The following CEP112 variants were observed in gnomAD, a reference collection of about 807,000 sequenced individuals.
The protein encoded by CEP112 is centrosomal protein of 112 kDa.
A neutral mutation model predicts 153.0 loss-of-function variants in CEP112; 127 were observed. That is an observed-to-expected ratio of 0.83 (90% confidence interval 0.72 to 0.96). The LOEUF (loss-of-function observed/expected upper bound fraction) is 0.96, where lower values mean the gene tolerates loss of function less well. Ranked by LOEUF, CEP112 falls within the 40% of genes least tolerant of loss-of-function variation. The pLI is 0.00. For missense variants in CEP112, 1,089 were observed against 1,101.2 expected (o/e 0.99, Z 0.16); for synonymous variants, 358 against 374.4 (o/e 0.96, Z 0.51).
intron 23 of CEP112, among the ~76,000 whole-genome samples, chr17:65,713,521 T>G (rs1007914267): frequency 1.3e-5 from 2 of 152,206 alleles, no homozygotes; most frequent in African/African-American, 4.8e-5. Flanking sequence ...TCACAAATAA[T>G]AGTTCGTTTC....
chr17:65,752,000 A>G lies in CEP112; in HGVS notation c.2395-1276T>C, dbSNP rs79779395. ...TATCTATCTATCTATCTATCTATCT[A>G]TCTACTGTTCCTTTCATCCATCCAT... On this transcript the variant is annotated intron_variant, in intron 21 of 26. Coordinates refer to ENST00000535342, the MANE Select transcript of CEP112 (RefSeq NM_001199165.4). Among the ~76,000 whole-genome samples, 928 of 126,592 alleles carry G rather than the reference A, an allele frequency of 7.3e-3. 10 individuals carry two copies. The highest frequency in any genetic ancestry group is 0.025 in the African/African-American group (827 of 32,816). 83.0% of individuals were successfully genotyped at this position (126,592 alleles called of 152,430 possible).
chr17:66,012,624 T>C (rs1293861419), intron 16 of CEP112, among the ~76,000 whole-genome samples: 4 of 152,222 alleles, frequency 2.6e-5, no homozygotes. Context: ...CTTCACTTTG[T>C]AGGTGACGTG....
chr17:66,178,897 C>G (rs1254640740), intron 2 of CEP112, among the ~76,000 whole-genome samples: 1 of 152,026 alleles, frequency 6.6e-6, no homozygotes. Flanking sequence ...CAAGAAGATA[C>G]AAAAGTGAAA....
intron 21 of CEP112, among the ~76,000 whole-genome samples, chr17:65,801,127 G>A (rs933945235): frequency 3.3e-5 from 5 of 152,004 alleles, no homozygotes; most frequent in African/African-American, 4.8e-5. Context: ...GTGCGCTGGT[G>A]CACTCACTGC....
chr17:66,050,276 A>T (rs2066384225), intron 12 of CEP112, among the ~76,000 whole-genome samples: 1 of 152,114 alleles, frequency 6.6e-6, no homozygotes, highest in South Asian at 2.1e-4. Flanking sequence ...TTAGTGACTT[A>T]ATTTTTTGTT....
chr17:66,028,568 A>G (rs894271153), intron 14 of CEP112, among the ~76,000 whole-genome samples, 163 bp from the exon 15 acceptor site: 5 of 151,994 alleles, frequency 3.3e-5, no homozygotes, highest in Non-Finnish European at 4.4e-5. Flanking sequence ...ACTAGAAAAA[A>G]TAATCTTTTA....
intron 23 of CEP112, among the ~76,000 whole-genome samples, chr17:65,705,048 T>C (rs144168249): frequency 2.6e-5 from 4 of 152,346 alleles, no homozygotes; most frequent in Admixed American, 2.0e-4. Flanking sequence ...TTCAGTTTGA[T>C]TTCTGAACTA....
chr17:66,170,415 T>C (rs1451368552), intron 4 of CEP112, among the ~76,000 whole-genome samples: 1 of 152,208 alleles, frequency 6.6e-6, no homozygotes, highest in African/African-American at 2.4e-5. Flanking sequence ...CTTAGTAACA[T>C]TTTCTAAAGT....
intron 16 of CEP112, among the ~76,000 whole-genome samples, chr17:66,009,525 T>C (rs1275889283): frequency 3.3e-5 from 5 of 152,046 alleles, no homozygotes; most frequent in Non-Finnish European, 7.4e-5. Context: ...CTGTTGACTG[T>C]AAATCTTTGC....
intron 23 of CEP112, among the ~76,000 whole-genome samples, chr17:65,694,947 C>G (rs1405712699): frequency 6.6e-6 from 1 of 152,204 alleles, no homozygotes; most frequent in African/African-American, 2.4e-5. Context: ...CCAACTTGAA[C>G]AGTTAAATTG....
At chr17:65,877,129 A>T (rs532759854) in intron 20 of CEP112, among the ~76,000 whole-genome samples, 41 of 152,280 alleles carry the variant, frequency 2.7e-4, no homozygotes, top group African/African-American at 8.9e-4. Flanking sequence ...ATTGCGGCCC[A>T]GCCCTCTGTC....
intron 23 of CEP112, among the ~76,000 whole-genome samples, chr17:65,729,113 C>T (rs564340157): frequency 6.6e-5 from 10 of 151,992 alleles, no homozygotes; most frequent in East Asian, 5.8e-4. Context: ...GTACATATTC[C>T]GTTTTTCTTT....
At position 66,021,386 on chromosome 17, in the gene CEP112, C is replaced by T. The variant is rs141041208; in HGVS notation, c.1656+6115G>A. ...GCTGTGGGTGCTAGAATTGGGATACCCCTCCTTCATAGACCGAAATAGGAG... is the reference window on the plus strand; with the variant it reads ...GCTGTGGGTGCTAGAATTGGGATACTCCTCCTTCATAGACCGAAATAGGAG... On this transcript the variant is annotated intron_variant, in intron 16 of 26. Coordinates refer to ENST00000535342, the MANE Select transcript of CEP112 (RefSeq NM_001199165.4). Among the ~76,000 whole-genome samples, 216 of 152,176 alleles carry T rather than the reference C, an allele frequency of 1.4e-3. 2 individuals are homozygous for T. In the East Asian group the frequency reaches 0.039, roughly 28 times the overall value.
chr17:65,902,847 G>A (rs966060333), intron 19 of CEP112, among the ~76,000 whole-genome samples: 1 of 151,892 alleles, frequency 6.6e-6, no homozygotes, highest in East Asian at 1.9e-4. Flanking sequence ...TGTCAGCTAC[G>A]GTATACCAAC....
At chr17:65,832,040 T>C (rs1265091554) in intron 21 of CEP112, among the ~76,000 whole-genome samples, 3 of 152,134 alleles carry the variant, frequency 2.0e-5, no homozygotes, top group Non-Finnish European at 2.9e-5. Flanking sequence ...AAGAATATCA[T>C]TCAAAATCAT....
rs1204340611 is a variant in CEP112, at chr17:65,905,712, G to A, written c.1981-3378C>T. On this transcript the variant is annotated intron_variant, in intron 19 of 26. Transcript: ENST00000535342. ...TGGGAGGCTGAGGCAGGTGGATCAC[G>A]AGGTCAGGAGGTCAAGACCATCTTG... 3.3e-5 allele frequency among the ~76,000 whole-genome samples: 5 copies of A among 152,110 alleles called. No homozygotes were observed. The East Asian group carries it at 9.7e-4, about 29-fold the overall frequency.
chr17:65,733,495 A>G lies in CEP112; in HGVS notation c.2607+9573T>C, dbSNP rs766725820. 8.5e-5 allele frequency among the ~76,000 whole-genome samples: 13 copies of G among 152,348 alleles called. No homozygotes were observed. The Middle Eastern group carries it at 0.01, about 120-fold the overall frequency. ...TTGAATTGTAAAAAACACAATGTCT[A>G]TGAGGTGCAATAAAATGAAGTGCAA... On this transcript the variant is annotated intron_variant, in intron 23 of 26. Transcript: ENST00000535342.
At chr17:65,844,352 T>C (rs537275545) in intron 21 of CEP112, among the ~76,000 whole-genome samples, 9 of 152,372 alleles carry the variant, frequency 5.9e-5, no homozygotes, top group Admixed American at 5.9e-4. Flanking sequence ...AAAGTTTATG[T>C]ATGATGATGC....
At chr17:65,838,981 A>G (rs2146200922) in intron 21 of CEP112, among the ~76,000 whole-genome samples, 1 of 152,332 alleles carries the variant, frequency 6.6e-6, no homozygotes, top group South Asian at 2.1e-4. Flanking sequence ...AGAACAGACC[A>G]GTAATACATA....
Sources: allele counts gnomAD v4.1 joint callset (sites outside exome capture counted in the v4.1 genomes callset), GRCh38; gene constraint gnomAD v4.1.1; transcripts MANE v1.5; gene names NCBI Gene and HGNC (gene_info 2026-07-23, HGNC 2026-07-21).